CLNK: variants seen among roughly 807,000 people sequenced by gnomAD.
CLNK encodes the protein cytokine dependent hematopoietic cell linker.
Under a neutral mutation model 68.6 loss-of-function variants are expected in CLNK, and 74 were observed. The observed-to-expected ratio is 1.08, with a 90% CI of 0.89 to 1.31. The LOEUF (loss-of-function observed/expected upper bound fraction) is 1.31. CLNK is among the 50% of genes most tolerant of loss of function. The pLI is 0.00. For missense variants in CLNK, 553 were observed against 515.3 expected (o/e 1.07, Z -0.71); for synonymous variants, 198 against 172.2 (o/e 1.15, Z -1.17).
intron 8 of CLNK, among the ~76,000 whole-genome samples, chr4:10,547,811 A>G (rs1719296797): frequency 6.6e-6 from 1 of 152,164 alleles, no homozygotes; most frequent in Non-Finnish European, 1.5e-5. Context: ...ATTGTCATAA[A>G]TGGAAAAATT....
intron 2 of CLNK, among the ~76,000 whole-genome samples, chr4:10,659,493 G>A (rs1021585775): frequency 6.6e-6 from 1 of 152,222 alleles, no homozygotes; most frequent in Non-Finnish European, 1.5e-5. Flanking sequence ...GATTATTGCA[G>A]AGCTATACTT....
At chr4:10,554,387 A>G (rs1719580299) in intron 8 of CLNK, among the ~76,000 whole-genome samples, 1 of 152,212 alleles carries the variant, frequency 6.6e-6, no homozygotes, top group South Asian at 2.1e-4. Context: ...TATTTGGGGG[A>G]TAGAAATTTT....
At chr4:10,700,228 T>C in the CLNK span, among the ~76,000 whole-genome samples, 5 of 152,110 alleles carry the variant, frequency 3.3e-5, no homozygotes, top group African/African-American at 1.2e-4. Context: ...ATAAATGAAA[T>C]AGGCTACATA....
intron 8 of CLNK, among the ~76,000 whole-genome samples, chr4:10,543,850 A>G (rs1719127601): frequency 6.6e-6 from 1 of 152,236 alleles, no homozygotes. Context: ...CACAGAAATA[A>G]CTGATGTCCT....
chr4:10,497,297 T>C (rs774820871), intron 18 of CLNK, among the ~76,000 whole-genome samples: 1 of 152,210 alleles, frequency 6.6e-6, no homozygotes, highest in Non-Finnish European at 1.5e-5. Flanking sequence ...GATTCTGCCT[T>C]GGATTTCTTT....
At chr4:10,618,933 TG>T (rs1463971079) in intron 2 of CLNK, among the ~76,000 whole-genome samples, 1 of 152,238 alleles carries the variant, frequency 6.6e-6, no homozygotes, top group African/African-American at 2.4e-5. Flanking sequence ...ACCTGAGATT[TG>T]GGTGAAGACA....
intron 4 of CLNK, among the ~76,000 whole-genome samples, chr4:10,582,839 C>CA (rs1342770957): frequency 1.3e-5 from 2 of 152,098 alleles, no homozygotes; most frequent in Non-Finnish European, 2.9e-5. Flanking sequence ...TGATTATAGT[C>CA]AAGTCACTCA....
intron 2 of CLNK, among the ~76,000 whole-genome samples, chr4:10,630,415 TC>T (rs1484125767): frequency 6.6e-6 from 1 of 152,200 alleles, no homozygotes; most frequent in Non-Finnish European, 1.5e-5. Flanking sequence ...AAGCTGGGAT[TC>T]CAACTTGTGT....
chr4:10,732,564 G>A, the CLNK span, among the ~76,000 whole-genome samples: 1 of 152,206 alleles, frequency 6.6e-6, no homozygotes, highest in Non-Finnish European at 1.5e-5. Context: ...TTCAAGCTCT[G>A]AATGGGGACT....
intron 4 of CLNK, among the ~76,000 whole-genome samples, chr4:10,575,467 A>G (rs1380516305): frequency 6.6e-6 from 1 of 152,260 alleles, no homozygotes; most frequent in Non-Finnish European, 1.5e-5. Flanking sequence ...CAAAAATTAA[A>G]GAGCGCCTCT....
intron 2 of CLNK, among the ~76,000 whole-genome samples, chr4:10,625,803 A>G (rs897324194): frequency 4.9e-4 from 75 of 152,326 alleles, no homozygotes; most frequent in African/African-American, 1.8e-3. Flanking sequence ...GTCAGAAAGC[A>G]GAAACTGGTT....
intron 2 of CLNK, among the ~76,000 whole-genome samples, chr4:10,660,213 A>G (rs1724141977): frequency 6.6e-6 from 1 of 152,178 alleles, no homozygotes; most frequent in South Asian, 2.1e-4. Context: ...ATATTTGGGC[A>G]TGATTATGTT....
In CLNK at chr4:10,525,892, G is replaced by A. The variant is rs756781730; in HGVS notation, c.680C>T (p.Thr227Ile). Residue 227 changes from threonine to isoleucine, a missense_variant, in exon 14 of 19, where the codon ACT becomes ATT. Coordinates refer to ENST00000226951, the MANE Select transcript of CLNK (RefSeq NM_052964.4). ...VPHNQRKPESTHLLENQNTQE... is the reference protein window; with the variant it reads ...VPHNQRKPESIHLLENQNTQE... ...AGTATTTTGGTTTTCTAACAGATGA[G>A]TTGATTCAGGCTTCCTCTGGTTATG... 6 of 1,580,462 alleles carry A rather than the reference G, an allele frequency of 3.8e-6. No homozygotes were observed. Among genetic ancestry groups the A allele is most frequent in the Middle Eastern group, 1.7e-4 (1 of 6,012 alleles).
chr4:10,495,301 G>A lies in CLNK; in HGVS notation c.1141-4688C>T, dbSNP rs527689102. Among the ~76,000 whole-genome samples, 31 of 152,332 alleles carry A rather than the reference G, an allele frequency of 2.0e-4. No homozygotes were observed. In the South Asian group the frequency reaches 5.8e-3, roughly 28 times the overall value. On this transcript the variant is annotated intron_variant, in intron 18 of 18. Transcript: ENST00000226951. Reference sequence around the variant, plus strand: ...ACTTATAAAACTGAGATGCAGGGCTGATGTTTGGCAGCACTTAAGCTCCGC... The same window carrying A: ...ACTTATAAAACTGAGATGCAGGGCTAATGTTTGGCAGCACTTAAGCTCCGC...
chr4:10,565,605 C>T (rs1039914584), intron 6 of CLNK, among the ~76,000 whole-genome samples: 2 of 152,138 alleles, frequency 1.3e-5, no homozygotes, highest in Non-Finnish European at 2.9e-5. Context: ...TTCTACTCCC[C>T]TCTATGCAGA....
chr4:10,530,227 A>G (rs918341979), intron 12 of CLNK, among the ~76,000 whole-genome samples: 1 of 151,866 alleles, frequency 6.6e-6, no homozygotes, highest in African/African-American at 2.4e-5. Flanking sequence ...CAAGTTTGCC[A>G]CCTCTCCGGG....
chr4:10,510,495 G>T (rs914092622), intron 16 of CLNK, among the ~76,000 whole-genome samples: 3 of 152,104 alleles, frequency 2.0e-5, no homozygotes, highest in Admixed American at 1.3e-4. Flanking sequence ...AAATTCTAAG[G>T]TCCCCCAACC....
chr4:10,708,117 G>A, the CLNK span, among the ~76,000 whole-genome samples: 4 of 152,156 alleles, frequency 2.6e-5, no homozygotes, highest in Non-Finnish European at 5.9e-5. Context: ...GGAAGTGGCA[G>A]GAGGAAGTGG....
At chr4:10,505,289 A>G (rs190715183) in intron 17 of CLNK, among the ~76,000 whole-genome samples, 34 of 152,346 alleles carry the variant, frequency 2.2e-4, no homozygotes, top group Admixed American at 9.1e-4. Context: ...TGTGAGGGCT[A>G]CTAGAGTCAG....
Sources: allele counts gnomAD v4.1 joint callset (sites outside exome capture counted in the v4.1 genomes callset), GRCh38; gene constraint gnomAD v4.1.1; transcripts MANE v1.5; gene names NCBI Gene and HGNC (gene_info 2026-07-23, HGNC 2026-07-21).